The following SMAD3 variants were observed in gnomAD, a reference collection of about 807,000 sequenced individuals.
SMAD3 encodes MAD homolog 3.
In SMAD3, 12 loss-of-function variants were observed where a neutral mutation model predicts 51.8. That is an observed-to-expected ratio of 0.23 (90% CI 0.15 to 0.38). The LOEUF is 0.38. SMAD3 is among the 10% of genes least tolerant of loss of function. The pLI is 1.00. For synonymous variants in SMAD3, 238 were observed against 227.7 expected, an observed-to-expected ratio of 1.05 and a Z score of -0.41; for missense variants, 294 against 565.6, an observed-to-expected ratio of 0.52 and a Z score of 4.87.
At position 67,193,288 on chromosome 15, in the gene SMAD3, G is replaced by A. The variant is rs771684858; in HGVS notation, c.*2752G>A. ...GTTCACCTAGTCAACACGACCGCGT[G>A]TGTTGCCCCTGCCCTGGGCTCCCCG... On this transcript the variant is annotated 3_prime_UTR_variant, in exon 9 of 9. Transcript: ENST00000327367. 5 of 233,356 alleles carry A rather than the reference G, an allele frequency of 2.1e-5. No homozygotes were observed. The highest frequency in any genetic ancestry group is 3.4e-5 in the Non-Finnish European group (4 of 118,090). 14.5% of individuals were successfully genotyped at this position (233,356 alleles called of 1,614,324 possible). A position where few individuals can be genotyped will look rare whatever the true frequency, so the allele number is the denominator to read the frequency against.
At chr15:67,165,145 C>T in intron 2 of SMAD3, 57 bp downstream of exon 2, 1 of 1,611,442 alleles carries the variant, frequency 6.2e-7, no homozygotes, top group Non-Finnish European at 8.5e-7. Flanking sequence ...TCACCTCTCC[C>T]CGGCTCCCCA....
rs149790914 is a variant in SMAD3 at position 67,184,976 on chromosome 15, G to T, written c.1009+112G>T. ...TTTTCTGCTCACTCATGATTGCGTTGTCAATCTGGAGGTGATTGGATTAGG... is the reference window on the plus strand; with the variant it reads ...TTTTCTGCTCACTCATGATTGCGTTTTCAATCTGGAGGTGATTGGATTAGG... On this transcript the variant is annotated intron_variant, in intron 7 of 8. Coordinates refer to ENST00000327367, the MANE Select transcript of SMAD3 (RefSeq NM_005902.4). The T allele has an allele frequency of 1.7e-4, 241 of 1,380,560 alleles. 1 individual carries two copies. In the African/African-American group the frequency reaches 3.2e-3, roughly 18 times the overall value. 85.5% of individuals were successfully genotyped at this position (1,380,560 alleles called of 1,614,324 possible).
chr15:67,148,025 T>G (rs1390456929), intron 1 of SMAD3, among the ~76,000 whole-genome samples: 1 of 152,218 alleles, frequency 6.6e-6, no homozygotes, highest in Non-Finnish European at 1.5e-5. Context: ...GTAGTCCACA[T>G]TTTTGATTAC....
chr15:67,131,535 C>T lies in SMAD3; in HGVS notation c.207-33360C>T, dbSNP rs1275214449. On this transcript the variant is annotated intron_variant, in intron 1 of 8. Coordinates refer to ENST00000327367, the MANE Select transcript of SMAD3 (RefSeq NM_005902.4). ...GATGTCTGTTGCATGCCAAGCACTG[C>T]GCAGGGTGCTGGTCACAGTTTGCTC... 2.0e-5 allele frequency among the ~76,000 whole-genome samples: 3 copies of T among 152,180 alleles called. No homozygotes were observed. The East Asian group carries it at 5.8e-4, about 29-fold the overall frequency.
At chr15:67,182,999 AAATATATATATAT>A (rs1376082579) in intron 6 of SMAD3, among the ~76,000 whole-genome samples, 7 of 50,248 alleles carry the variant, frequency 1.4e-4, no homozygotes, top group African/African-American at 6.1e-4. Context: ...AAAAAAAAAA[AAATATATATATAT>A]ATATATATAT....
At chr15:67,076,234 G>A (rs544716151) in intron 1 of SMAD3, among the ~76,000 whole-genome samples, 30 of 152,156 alleles carry the variant, frequency 2.0e-4, no homozygotes, top group Non-Finnish European at 1.9e-4. Context: ...ATTCTTAGGC[G>A]GTTCTGCCCT....
intron 1 of SMAD3, among the ~76,000 whole-genome samples, chr15:67,100,544 TAATA>T (rs1167350781): frequency 2.6e-5 from 4 of 152,096 alleles, no homozygotes; most frequent in East Asian, 1.9e-4. Context: ...ATTAATGTAT[TAATA>T]AATGTATTAA....
chr15:67,159,781 G>A (rs1334915111), intron 1 of SMAD3, among the ~76,000 whole-genome samples: 1 of 152,140 alleles, frequency 6.6e-6, no homozygotes, highest in African/African-American at 2.4e-5. Flanking sequence ...AATTTTACAC[G>A]AACAGAATCA....
chr15:67,065,997 G>GCGGCC lies in SMAD3; in HGVS notation c.-148_-144dup, dbSNP rs937335895. The GCGGCC allele has an allele frequency of 7.6e-6, 2 of 262,706 alleles. No homozygotes were observed. Among genetic ancestry groups the GCGGCC allele is most frequent in the Non-Finnish European group, 1.4e-5 (2 of 145,754 alleles). The allele number at this position is 262,706 out of a possible 1,614,324, so 16.3% of individuals were successfully genotyped here. On this transcript the variant is annotated 5_prime_UTR_variant, in exon 1 of 9. Transcript: ENST00000327367. ...GCCGAGCCCCGCAGGCTGCAGCGCC[G>GCGGCC]CGGCCCGGCCCGGCGCCCCGGCAAC...
chr15:67,074,888 C>T (rs924500851), intron 1 of SMAD3, among the ~76,000 whole-genome samples: 48 of 152,304 alleles, frequency 3.2e-4, no homozygotes, highest in African/African-American at 1.1e-3. Flanking sequence ...TGGGGTAGGA[C>T]TCCAGTATTA....
At chr15:67,188,174 T>TG (rs1390410906) in intron 8 of SMAD3, among the ~76,000 whole-genome samples, 1 of 137,718 alleles carries the variant, frequency 7.3e-6, no homozygotes, top group East Asian at 2.2e-4. Context: ...TTTTTTGAGA[T>TG]GGAGTCTCAC....
intron 1 of SMAD3, among the ~76,000 whole-genome samples, chr15:67,105,430 C>T (rs1020019170): frequency 2.6e-5 from 4 of 152,070 alleles, no homozygotes; most frequent in African/African-American, 4.8e-5. Context: ...GAGAAGATGC[C>T]GGGCTGTTGG....
intron 1 of SMAD3, among the ~76,000 whole-genome samples, chr15:67,114,326 G>A (rs1486574322): frequency 6.6e-6 from 1 of 152,132 alleles, no homozygotes; most frequent in Non-Finnish European, 1.5e-5. Context: ...GCTTCTCATG[G>A]AATTGGGCCC....
intron 1 of SMAD3, chr15:67,125,844 C>T (rs949823899): frequency 1.8e-5 from 18 of 985,308 alleles, no homozygotes; most frequent in Non-Finnish European, 1.3e-5. Context: ...GCAAGAGCCG[C>T]GGCACTGGGG....
intron 6 of SMAD3, among the ~76,000 whole-genome samples, chr15:67,182,595 A>G (rs1028615851): frequency 4.6e-5 from 7 of 152,138 alleles, no homozygotes; most frequent in African/African-American, 1.7e-4. Context: ...CTTCATTTGA[A>G]GAGAGGATTG....
chr15:67,132,644 C>T (rs1302904899), intron 1 of SMAD3, among the ~76,000 whole-genome samples: 1 of 152,160 alleles, frequency 6.6e-6, no homozygotes, highest in Non-Finnish European at 1.5e-5. Context: ...ACCTGTGAGC[C>T]CCCATTTTCC....
At chr15:67,162,975 GA>G (rs1962471189) in intron 1 of SMAD3, among the ~76,000 whole-genome samples, 1 of 151,624 alleles carries the variant, frequency 6.6e-6, no homozygotes, top group Non-Finnish European at 1.5e-5. Flanking sequence ...TGATGATGAT[GA>G]TGATGATGAT....
rs780103267 is a variant in SMAD3, at chr15:67,066,134, G to T, written c.-21G>T. 4 of 1,559,648 alleles carry T rather than the reference G, an allele frequency of 2.6e-6. No homozygotes were observed. In the East Asian group the frequency reaches 7.2e-5, roughly 28 times the overall value. On this transcript the variant is annotated 5_prime_UTR_variant, in exon 1 of 9. Transcript: ENST00000327367. ...AGCCCCGCCGGGGGCGCTCCTCGCC[G>T]CCCGCGCGCCCTCCCCAGCCATGTC...
intron 1 of SMAD3, among the ~76,000 whole-genome samples, chr15:67,148,800 G>T (rs1371973851): frequency 2.6e-5 from 4 of 152,212 alleles, no homozygotes; most frequent in Non-Finnish European, 5.9e-5. Flanking sequence ...GTACTATGAA[G>T]CTTACCAGTT....
Sources: gnomAD v4.1 joint callset for allele counts (sites outside exome capture counted in the v4.1 genomes callset) on GRCh38, gnomAD v4.1.1 for gene constraint, MANE v1.5 for transcripts, NCBI Gene and HGNC (gene_info 2026-07-23, HGNC 2026-07-21) for gene names.